The following PLEKHH2 variants were observed in gnomAD, a reference collection of about 807,000 sequenced individuals.
PLEKHH2 encodes the protein pleckstrin homology domain-containing family H member 2.
PLEKHH2 carries 129 observed loss-of-function variants against 187.9 expected under a neutral mutation model. That is an observed-to-expected ratio of 0.69 (90% CI 0.59 to 0.79). PLEKHH2 has a LOEUF of 0.79. Among genes scored for constraint, PLEKHH2 ranks in the 30% least tolerant of loss-of-function variants. The probability of loss-of-function intolerance (pLI) is 0.00; values close to 1 mark genes in which losing one functional copy is unlikely to be tolerated. For synonymous variants in PLEKHH2, 686 were observed against 605.6 expected (o/e 1.13, Z -1.95); for missense variants, 2,076 against 1,751.2 (o/e 1.19, Z -3.31).
chr2:43,733,592 G>C (rs543352580), intron 19 of PLEKHH2, among the ~76,000 whole-genome samples: 24 of 152,108 alleles, frequency 1.6e-4, no homozygotes, highest in African/African-American at 5.1e-4. Flanking sequence ...AGATAATATG[G>C]AATTATTGTT....
chr2:43,648,083 C>T (rs1232934776), intron 2 of PLEKHH2, among the ~76,000 whole-genome samples: 2 of 152,128 alleles, frequency 1.3e-5, no homozygotes, highest in African/African-American at 2.4e-5. Context: ...GCAGAGCTGC[C>T]GTTAGACCGT....
intron 3 of PLEKHH2, among the ~76,000 whole-genome samples, chr2:43,685,007 G>A (rs1558485391): frequency 6.6e-6 from 1 of 152,178 alleles, no homozygotes; most frequent in African/African-American, 2.4e-5. Flanking sequence ...AATACAGACA[G>A]CAGATGAATT....
chr2:43,655,302 T>C (rs888182798), intron 2 of PLEKHH2, among the ~76,000 whole-genome samples: 1 of 151,872 alleles, frequency 6.6e-6, no homozygotes, highest in Non-Finnish European at 1.5e-5. Context: ...CAAAAAAATA[T>C]CTGTATAGGA....
chr2:43,651,888 C>T (rs1666490124), intron 2 of PLEKHH2, among the ~76,000 whole-genome samples: 1 of 152,176 alleles, frequency 6.6e-6, no homozygotes, highest in South Asian at 2.1e-4. Context: ...TTTCTTTCTT[C>T]TAGGATTATT....
chr2:43,691,314 C>T lies in PLEKHH2; in HGVS notation c.187-1200C>T, dbSNP rs139361734. ...GGATGTTGGGGGTGGTCCCCCCACCCGAAGCAGGAGATTTCCCAATATGGC... is the reference window on the plus strand; with the variant it reads ...GGATGTTGGGGGTGGTCCCCCCACCTGAAGCAGGAGATTTCCCAATATGGC... On this transcript the variant is annotated intron_variant, in intron 3 of 29. Transcript: ENST00000282406. Among the ~76,000 whole-genome samples the T allele has an allele frequency of 8.5e-4, 129 of 152,256 alleles. 1 individual carries two copies. The highest frequency in any genetic ancestry group is 3.0e-3 in the African/African-American group (123 of 41,540).
At chr2:43,704,916 A>G (rs1669581196) in intron 9 of PLEKHH2, among the ~76,000 whole-genome samples, 1 of 152,064 alleles carries the variant, frequency 6.6e-6, no homozygotes, top group South Asian at 2.1e-4. Flanking sequence ...TCTGATGTAT[A>G]TTTTTTTACC....
intron 15 of PLEKHH2, among the ~76,000 whole-genome samples, chr2:43,713,232 C>A (rs1325199012): frequency 2.0e-5 from 3 of 151,712 alleles, no homozygotes; most frequent in Non-Finnish European, 4.4e-5. Context: ...TGTTTTTTTT[C>A]CTATTTTAAA....
intron 3 of PLEKHH2, among the ~76,000 whole-genome samples, chr2:43,691,501 G>T (rs530619925): frequency 6.6e-6 from 1 of 152,152 alleles, no homozygotes; most frequent in Non-Finnish European, 1.5e-5. Context: ...TGAAGGATGG[G>T]ATCAATCGAA....
chr2:43,674,330 C>A (rs967749705), intron 2 of PLEKHH2, among the ~76,000 whole-genome samples: 8 of 152,094 alleles, frequency 5.3e-5, no homozygotes, highest in Non-Finnish European at 7.4e-5. Flanking sequence ...TCCAGAAAAA[C>A]CAAATTTCCC....
chr2:43,751,001 C>A (rs1671986953), intron 24 of PLEKHH2, among the ~76,000 whole-genome samples: 1 of 152,162 alleles, frequency 6.6e-6, no homozygotes, highest in Non-Finnish European at 1.5e-5. Flanking sequence ...GGGTTAGAAT[C>A]CTGGCTCTAC....
At chr2:43,668,314 G>C (rs1667323626) in intron 2 of PLEKHH2, among the ~76,000 whole-genome samples, 1 of 152,178 alleles carries the variant, frequency 6.6e-6, no homozygotes, top group Non-Finnish European at 1.5e-5. Context: ...ATATAGGCAT[G>C]AGCCATCGCA....
intron 23 of PLEKHH2, 77 bp downstream of exon 23, chr2:43,744,066 G>A: frequency 6.6e-7 from 1 of 1,517,296 alleles, no homozygotes; most frequent in South Asian, 1.3e-5. Context: ...AGTAAACTTT[G>A]CAAGAAGTTT....
chr2:43,667,083 T>A (rs1412381067), intron 2 of PLEKHH2, among the ~76,000 whole-genome samples: 1 of 152,206 alleles, frequency 6.6e-6, no homozygotes, highest in Non-Finnish European at 1.5e-5. Context: ...GAAAAATCTT[T>A]GCCTAACACA....
intron 2 of PLEKHH2, 85 bp from the exon 3 acceptor site, chr2:43,678,778 A>AGGTGG: frequency 9.5e-7 from 1 of 1,052,038 alleles, no homozygotes; most frequent in South Asian, 1.4e-5. Context: ...GTGGAGGTAG[A>AGGTGG]ATTATGAGAT....
chr2:43,676,949 C>T (rs1667832862), intron 2 of PLEKHH2, among the ~76,000 whole-genome samples: 1 of 152,084 alleles, frequency 6.6e-6, no homozygotes, highest in African/African-American at 2.4e-5. Flanking sequence ...ACATTTGAAG[C>T]CTTTCTTTCC....
chr2:43,704,064 C>A lies in PLEKHH2; in HGVS notation c.1726+8C>A. On this transcript the variant is annotated splice_region_variant and intron_variant, in intron 9 of 29. Transcript: ENST00000282406. Reference sequence around the variant, plus strand: ...TGGAGAGTGTTAATAAAAGTAAGTGCTTTTTCATGCTGCCACCTGGATGAA... The same window carrying A: ...TGGAGAGTGTTAATAAAAGTAAGTGATTTTTCATGCTGCCACCTGGATGAA... 1 of 1,566,730 alleles carries A rather than the reference C, an allele frequency of 6.4e-7. No individual in the cohort carries two copies. Among genetic ancestry groups the A allele is most frequent in the Non-Finnish European group, 8.8e-7 (1 of 1,139,804 alleles).
chr2:43,698,618 C>T (rs1238139782), intron 7 of PLEKHH2, among the ~76,000 whole-genome samples: 2 of 152,092 alleles, frequency 1.3e-5, no homozygotes, highest in South Asian at 2.1e-4. Context: ...TAGTGGAGTA[C>T]AGCTGAGATT....
intron 25 of PLEKHH2, among the ~76,000 whole-genome samples, chr2:43,756,867 T>G (rs1471514227): frequency 1.3e-5 from 2 of 152,080 alleles, no homozygotes; most frequent in African/African-American, 2.4e-5. Context: ...GAGAATCAAT[T>G]GAACCTGGGA....
At position 43,758,966 on chromosome 2, in the gene PLEKHH2, G is replaced by A; in HGVS notation, c.4008G>A (p.Val1336=). Residue 1336 remains valine, a synonymous_variant, in exon 27 of 30, where the codon GTG becomes GTA. Transcript: ENST00000282406. ...ALRGHSAADC[V]RIYLTVARKW... ...GGGGACACAGTGCTGCTGACTGTGT[G>A]CGCATTTATTTGACAGTAGCCAGGA... The A allele has an allele frequency of 5.6e-6, 9 of 1,612,592 alleles. No individual in the cohort carries two copies. The highest frequency in any genetic ancestry group is 1.1e-5 in the South Asian group (1 of 90,986).
Sources: gnomAD v4.1 joint callset for allele counts (sites outside exome capture counted in the v4.1 genomes callset) on GRCh38, gnomAD v4.1.1 for gene constraint, MANE v1.5 for transcripts, NCBI Gene and HGNC (gene_info 2026-07-23, HGNC 2026-07-21) for gene names.